RASA1: variants seen among roughly 807,000 people sequenced by gnomAD.
RASA1 encodes ras GTPase-activating protein 1.
Under a neutral mutation model 132.2 loss-of-function variants are expected in RASA1, and 25 were observed. The observed-to-expected ratio is 0.19, with a 90% CI of 0.14 to 0.26. The LOEUF (loss-of-function observed/expected upper bound fraction) is 0.26. RASA1 is among the 10% of genes least tolerant of loss of function. The pLI is 1.00. For synonymous variants in RASA1, 477 were observed against 449.9 expected, an observed-to-expected ratio of 1.06 and a Z score of -0.76; for missense variants, 964 against 1,299.2, an observed-to-expected ratio of 0.74 and a Z score of 3.97.
At chr5:87,358,757 A>G (rs749006824) in intron 9 of RASA1, among the ~76,000 whole-genome samples, 11 of 152,120 alleles carry the variant, frequency 7.2e-5, no homozygotes, top group Non-Finnish European at 1.3e-4. Context: ...GTCTCTTCCT[A>G]CTATCCTCCT....
At chr5:87,277,235 A>C (rs918764437) in intron 1 of RASA1, among the ~76,000 whole-genome samples, 9 of 152,260 alleles carry the variant, frequency 5.9e-5, no homozygotes, top group Non-Finnish European at 1.3e-4. Flanking sequence ...GAATGTACAC[A>C]CATATATGCA....
In RASA1 at chr5:87,333,329, T is replaced by C; in HGVS notation, c.891T>C (p.Asp297=). The C allele has an allele frequency of 6.2e-7, 1 of 1,613,204 alleles. No homozygotes were observed. Among genetic ancestry groups the C allele is most frequent in the East Asian group, 2.2e-5 (1 of 44,772 alleles). Residue 297 remains aspartate (D), a synonymous_variant, in exon 4 of 25, where the codon GAT becomes GAC. Transcript: ENST00000274376. ...ILPYTKVPDT[D]EISFLKGDMF... ...CTTACACAAAAGTACCAGACACTGA[T>C]GAAATAAGGTATTTTATAATCTATT... is the stretch of plus-strand genomic sequence containing the variant.
intron 2 of RASA1, 85 bp downstream of exon 2, chr5:87,331,585 A>C: frequency 7.0e-7 from 1 of 1,423,542 alleles, no homozygotes; most frequent in Non-Finnish European, 9.8e-7. Context: ...ATAAAGGTGA[A>C]TGACTCAGTA....
At chr5:87,321,760 G>GTGAGGCCAGTCCT (rs1175480146) in intron 1 of RASA1, among the ~76,000 whole-genome samples, 3 of 152,180 alleles carry the variant, frequency 2.0e-5, no homozygotes, top group Non-Finnish European at 4.4e-5. Flanking sequence ...ATGTTCAGCT[G>GTGAGGCCAGTCCT]TGAGGCCAGT....
In RASA1 at chr5:87,315,887, T is replaced by C. The variant is rs186409803; in HGVS notation, c.540-15461T>C. Among the ~76,000 whole-genome samples, 254 of 152,324 alleles carry C rather than the reference T, an allele frequency of 1.7e-3. 1 individual carries two copies. Among genetic ancestry groups the C allele is most frequent in the African/African-American group, 5.9e-3 (244 of 41,580 alleles). ...AAAGTTTAATTTCAAAAAATGGATA[T>C]ATAGGCTGATTCTTTTTTCTAATTA... is the stretch of plus-strand genomic sequence containing the variant. On this transcript the variant is annotated intron_variant, in intron 1 of 24. Transcript: ENST00000274376.
intron 9 of RASA1, among the ~76,000 whole-genome samples, chr5:87,361,639 C>T (rs553266175): frequency 2.0e-5 from 3 of 152,090 alleles, no homozygotes; most frequent in African/African-American, 7.2e-5. Context: ...TGATATAATT[C>T]TTTTCCTCAG....
At position 87,388,448 on chromosome 5, in the gene RASA1, G is replaced by A. The variant is rs1395630852; in HGVS notation, c.2926-945G>A. Among the ~76,000 whole-genome samples, 3 of 152,146 alleles carry A rather than the reference G, an allele frequency of 2.0e-5. No homozygotes were observed. In the South Asian group the frequency reaches 6.2e-4, roughly 32 times the overall value. On this transcript the variant is annotated intron_variant, in intron 23 of 24. Coordinates refer to ENST00000274376, the MANE Select transcript of RASA1 (RefSeq NM_002890.3). ...TGAAATGCTAAAAAATCCAAAACTT[G>A]TTGAGCACCAACAGGAAATGCTATT...
At chr5:87,287,185 T>A (rs1033923233) in intron 1 of RASA1, among the ~76,000 whole-genome samples, 4 of 143,040 alleles carry the variant, frequency 2.8e-5, no homozygotes, top group Non-Finnish European at 6.1e-5. Flanking sequence ...CATATATATA[T>A]ACACACCGTA....
chr5:87,370,475 A>G (rs1580371993), intron 12 of RASA1, among the ~76,000 whole-genome samples: 2 of 152,208 alleles, frequency 1.3e-5, no homozygotes, highest in African/African-American at 2.4e-5. Flanking sequence ...ATATTTTGCA[A>G]CAAAGGGAGA....
chr5:87,296,184 T>A (rs1755113789), intron 1 of RASA1, among the ~76,000 whole-genome samples: 1 of 152,082 alleles, frequency 6.6e-6, no homozygotes, highest in Non-Finnish European at 1.5e-5. Context: ...ATTTACAGTT[T>A]TCCAAGCACA....
chr5:87,283,827 A>G (rs61035296), intron 1 of RASA1, among the ~76,000 whole-genome samples: 4,842 of 152,200 alleles, frequency 0.032, 162 homozygotes, highest in African/African-American at 0.074. Flanking sequence ...AGGAGAATGA[A>G]GTTCTTTGAG....
chr5:87,291,734 T>A (rs933377031), intron 1 of RASA1, among the ~76,000 whole-genome samples: 1 of 152,098 alleles, frequency 6.6e-6, no homozygotes, highest in African/African-American at 2.4e-5. Context: ...TCACCAAACA[T>A]CATGTGATAT....
chr5:87,359,648 T>A (rs1759926419), intron 9 of RASA1, among the ~76,000 whole-genome samples: 1 of 152,200 alleles, frequency 6.6e-6, no homozygotes, highest in Non-Finnish European at 1.5e-5. Context: ...GAACTAAAGA[T>A]TTGATAAATA....
At chr5:87,307,194 TC>T (rs1380663715) in intron 1 of RASA1, among the ~76,000 whole-genome samples, 6 of 152,194 alleles carry the variant, frequency 3.9e-5, no homozygotes, top group African/African-American at 1.4e-4. Flanking sequence ...AAAAACGATG[TC>T]CCATTCATCT....
chr5:87,349,150 C>A, intron 7 of RASA1, 64 bp from the exon 8 acceptor site: 3 of 1,559,520 alleles, frequency 1.9e-6, no homozygotes, highest in Non-Finnish European at 1.8e-6. Context: ...TGTAATAATA[C>A]TACTTAACAT....
chr5:87,305,127 AAG>A (rs1755550143), intron 1 of RASA1, among the ~76,000 whole-genome samples: 1 of 151,424 alleles, frequency 6.6e-6, no homozygotes, highest in African/African-American at 2.4e-5. Context: ...TTTTGTTGCA[AAG>A]TTAGCAAAAA....
intron 1 of RASA1, among the ~76,000 whole-genome samples, chr5:87,314,164 ACT>A (rs1756136634): frequency 6.6e-6 from 1 of 152,060 alleles, no homozygotes; most frequent in Non-Finnish European, 1.5e-5. Flanking sequence ...CAAGAGCAAA[ACT>A]CTGTCTCAAA....
At chr5:87,388,386 T>C (rs1415395022) in intron 23 of RASA1, among the ~76,000 whole-genome samples, 1 of 152,184 alleles carries the variant, frequency 6.6e-6, no homozygotes, top group Non-Finnish European at 1.5e-5. Flanking sequence ...TTAGTGTCGA[T>C]AATAAAGTAC....
At chr5:87,276,895 C>T (rs907110143) in intron 1 of RASA1, among the ~76,000 whole-genome samples, 7 of 152,144 alleles carry the variant, frequency 4.6e-5, no homozygotes, top group African/African-American at 1.7e-4. Context: ...TGCTTCACTC[C>T]ACCCTACACC....
Sources: gnomAD v4.1 joint callset for allele counts (sites outside exome capture counted in the v4.1 genomes callset) on GRCh38, gnomAD v4.1.1 for gene constraint, MANE v1.5 for transcripts, NCBI Gene and HGNC (gene_info 2026-07-23, HGNC 2026-07-21) for gene names.